The following ZHX2 variants were observed in gnomAD, a reference collection of about 807,000 sequenced individuals.
ZHX2 encodes zinc fingers and homeoboxes protein 2.
ZHX2 carries 6 observed loss-of-function variants against 21.9 expected under a neutral mutation model. The ratio of observed to expected loss-of-function variants is 0.27; its 90% CI spans 0.15 to 0.54. The LOEUF (loss-of-function observed/expected upper bound fraction) is 0.54, where lower values mean the gene tolerates loss of function less well. Ranked by LOEUF, ZHX2 falls within the 20% of genes least tolerant of loss-of-function variation. The probability of loss-of-function intolerance (pLI) is 0.95; values close to 1 mark genes in which losing one functional copy is unlikely to be tolerated. For synonymous variants in ZHX2, 434 were observed against 437.1 expected (o/e 0.99, Z 0.09); for missense variants, 908 against 1,090.7 (o/e 0.83, Z 2.36).
At chr8:122,927,061 C>T (rs982989917) in intron 2 of ZHX2, among the ~76,000 whole-genome samples, 6 of 152,198 alleles carry the variant, frequency 3.9e-5, no homozygotes, top group Admixed American at 1.3e-4. Context: ...TGGAGGACCA[C>T]AATGCTGCCC....
At chr8:122,786,876 G>A (rs1439258534) in intron 1 of ZHX2, among the ~76,000 whole-genome samples, 1 of 152,152 alleles carries the variant, frequency 6.6e-6, no homozygotes, top group African/African-American at 2.4e-5. Flanking sequence ...CTGTGCACAT[G>A]CCCCTTTGGT....
At chr8:122,904,485 G>A (rs1338455982) in intron 2 of ZHX2, among the ~76,000 whole-genome samples, 1 of 152,118 alleles carries the variant, frequency 6.6e-6, no homozygotes, top group African/African-American at 2.4e-5. Context: ...CTTAGTGTCA[G>A]TTAAGATCGT....
At chr8:122,846,549 ATTTTT>A (rs201581677) in intron 1 of ZHX2, among the ~76,000 whole-genome samples, 8,349 of 111,232 alleles carry the variant, frequency 0.075, 243 homozygotes, top group Middle Eastern at 0.15. Context: ...GACTTTGTGT[ATTTTT>A]TTTTTTTTTT....
chr8:122,897,791 A>C (rs978426082), intron 2 of ZHX2, among the ~76,000 whole-genome samples: 2 of 152,156 alleles, frequency 1.3e-5, no homozygotes, highest in African/African-American at 4.8e-5. Context: ...CTGGGTAACC[A>C]GATGGTTGGA....
intron 1 of ZHX2, among the ~76,000 whole-genome samples, chr8:122,784,712 A>T (rs1817359480): frequency 6.6e-6 from 1 of 152,218 alleles, no homozygotes; most frequent in South Asian, 2.1e-4. Context: ...GCACTATCCC[A>T]AGTGCTTATG....
chr8:122,818,371 G>A (rs1818075003), intron 1 of ZHX2, among the ~76,000 whole-genome samples: 1 of 151,916 alleles, frequency 6.6e-6, no homozygotes, highest in Non-Finnish European at 1.5e-5. Context: ...TGTCTGCAAG[G>A]CGAATATGAC....
rs1000936843 is a variant in ZHX2 at position 122,782,132 on chromosome 8, G to A, written c.-283+186G>A. On this transcript the variant is annotated intron_variant, in intron 1 of 3. Transcript: ENST00000314393. The surrounding 1 kb of genome is among the most constrained non-coding windows in gnomAD (Gnocchi z 5.3). ...TTGGAAGGGGGGTACGGAAGGGGGG[G>A]GGTGTGCAGGCTCTTTTTGCGGGTG... 4.0e-5 allele frequency among the ~76,000 whole-genome samples: 6 copies of A among 148,898 alleles called. No homozygotes were observed. Among genetic ancestry groups the A allele is most frequent in the South Asian group, 4.5e-4 (2 of 4,488 alleles).
chr8:122,851,073 A>T (rs903857011), intron 1 of ZHX2, among the ~76,000 whole-genome samples: 1 of 152,132 alleles, frequency 6.6e-6, no homozygotes, highest in Non-Finnish European at 1.5e-5. Flanking sequence ...CATGTTTCGC[A>T]TGGAACTCCA....
Position 122,951,978 on chromosome 8 carries a change from C to A in ZHX2, c.468C>A (p.Ile156=). 6.2e-7 allele frequency: 1 copy of A among 1,613,842 alleles called. No homozygotes were observed. Among genetic ancestry groups the A allele is most frequent in the African/African-American group, 1.3e-5 (1 of 74,938 alleles). ...RNNQTVLEQS[I]ETTNHVVSIT... ...ATCAAACTGTCTTGGAACAGTCCATCGAAACCACCAACCATGTCGTGTCCA... is the reference window on the plus strand; with the variant it reads ...ATCAAACTGTCTTGGAACAGTCCATAGAAACCACCAACCATGTCGTGTCCA... The change falls in exon 3 of 4, where the codon ATC becomes ATA. Residue 156 remains isoleucine, a synonymous_variant. Coordinates refer to ENST00000314393, the MANE Select transcript of ZHX2 (RefSeq NM_014943.5).
chr8:122,970,631 G>A (rs899714705), intron 3 of ZHX2, among the ~76,000 whole-genome samples: 5 of 152,186 alleles, frequency 3.3e-5, no homozygotes, highest in East Asian at 1.9e-4. Context: ...AAAGAACATC[G>A]GTAGCTGTCT....
intron 2 of ZHX2, among the ~76,000 whole-genome samples, chr8:122,892,882 C>T (rs1232870279): frequency 6.6e-6 from 1 of 152,064 alleles, no homozygotes; most frequent in Admixed American, 6.5e-5. Flanking sequence ...GATGGGGTTT[C>T]ACTATGTTGG....
intron 2 of ZHX2, among the ~76,000 whole-genome samples, chr8:122,947,884 G>A (rs1246310712): frequency 2.0e-5 from 3 of 152,056 alleles, no homozygotes; most frequent in Admixed American, 1.3e-4. Flanking sequence ...AACTCTGGAG[G>A]CGTGAAAAGT....
At chr8:122,889,867 A>G (rs1819933002) in intron 2 of ZHX2, among the ~76,000 whole-genome samples, 3 of 152,156 alleles carry the variant, frequency 2.0e-5, no homozygotes, top group Admixed American at 2.0e-4. Flanking sequence ...CCTGGAATCA[A>G]TCACCTGCAT....
chr8:122,891,270 TTGTG>T (rs59893492), intron 2 of ZHX2, among the ~76,000 whole-genome samples: 18,603 of 74,606 alleles, frequency 0.25, 1,256 homozygotes, highest in Middle Eastern at 0.3. Context: ...TCTTGGTAGA[TTGTG>T]TGTGTGTGTG....
At chr8:122,867,394 C>T (rs1321228266) in intron 2 of ZHX2, among the ~76,000 whole-genome samples, 1 of 152,222 alleles carries the variant, frequency 6.6e-6, no homozygotes, top group East Asian at 1.9e-4. Context: ...AGGACCTGTG[C>T]TTAGCAGGTC....
At position 122,953,992 on chromosome 8, in the gene ZHX2, G is replaced by A. The variant is rs757024481; in HGVS notation, c.2482G>A (p.Asp828Asn). Residue 828 changes from aspartate (D) to asparagine (N), a missense_variant, in exon 3 of 4, where the codon GAC (aspartate) becomes AAC (asparagine). This residue lies in a region of ZHX2 where 431 missense variants were observed against 428.6 expected (regional missense o/e 1.01). Coordinates refer to ENST00000314393, the MANE Select transcript of ZHX2 (RefSeq NM_014943.5). This position sits in a 1 kb window ranked among gnomAD's most constrained non-coding sequence, Gnocchi z 4.6. ...GVSELAESDS[D>N]CVPAEAGQA is the part of the protein sequence containing the mutation. ...GTCGGAACTGGCTGAATCAGACTCC[G>A]ACTGCGTCCCTGCAGAGGCTGGCCA... is the stretch of plus-strand genomic sequence containing the variant. The A allele has an allele frequency of 3.3e-5, 53 of 1,609,558 alleles. 1 individual carries two copies. The highest frequency in any genetic ancestry group is 1.7e-4 in the Middle Eastern group (1 of 6,044).
intron 1 of ZHX2, among the ~76,000 whole-genome samples, chr8:122,846,871 A>T (rs749213762): frequency 2.0e-5 from 3 of 152,178 alleles, no homozygotes; most frequent in Non-Finnish European, 4.4e-5. Context: ...TGAAAATCTA[A>T]GGTAAGATAA....
At chr8:122,930,129 T>G (rs1256836680) in intron 2 of ZHX2, among the ~76,000 whole-genome samples, 1 of 152,182 alleles carries the variant, frequency 6.6e-6, no homozygotes, top group Non-Finnish European at 1.5e-5. Flanking sequence ...ATAGAGGTCC[T>G]AGCATTTCCT....
chr8:122,843,068 T>G (rs146792835), intron 1 of ZHX2, among the ~76,000 whole-genome samples: 1 of 152,310 alleles, frequency 6.6e-6, no homozygotes, highest in East Asian at 1.9e-4. Context: ...AAAGGAACCT[T>G]TACTCGTGGG....
Sources: gnomAD v4.1 joint callset for allele counts (sites outside exome capture counted in the v4.1 genomes callset) on GRCh38, gnomAD v4.1.1 for gene constraint, gnomAD v4.1.1 regional missense constraint, Gnocchi (gnomAD v3.1) non-coding constraint, MANE v1.5 for transcripts, NCBI Gene and HGNC (gene_info 2026-07-23, HGNC 2026-07-21) for gene names.